The following SLC35D4 variants were observed in gnomAD, a reference collection of about 807,000 sequenced individuals.
SLC35D4 encodes solute carrier family 35 member D4.
At chr18:23,431,153 C>CAAAAAAAAAAAAAAAAAAAAAA in the SLC35D4 span, among the ~76,000 whole-genome samples, 32 of 66,214 alleles carry the variant, frequency 4.8e-4, no homozygotes, top group Non-Finnish European at 6.1e-4. Flanking sequence ...GAGTATATCT[C>CAAAAAAAAAAAAAAAAAAAAAA]AAAAAAAAAA....
the SLC35D4 span, among the ~76,000 whole-genome samples, chr18:23,400,001 T>G: frequency 6.6e-6 from 1 of 152,234 alleles, no homozygotes; most frequent in Non-Finnish European, 1.5e-5. Context: ...CACTACAGAT[T>G]ATTAAAAATT....
At chr18:23,428,058 C>G in the SLC35D4 span, among the ~76,000 whole-genome samples, 1 of 151,986 alleles carries the variant, frequency 6.6e-6, no homozygotes, top group Admixed American at 6.6e-5. Context: ...TTAGGAGATA[C>G]ACCTAATGTA....
chr18:23,375,373 G>A, the SLC35D4 span, among the ~76,000 whole-genome samples: 1 of 151,914 alleles, frequency 6.6e-6, no homozygotes, highest in African/African-American at 2.4e-5. Flanking sequence ...ATAAGAGCAA[G>A]AATAATATCT....
the SLC35D4 span, among the ~76,000 whole-genome samples, chr18:23,348,288 G>C: frequency 6.6e-6 from 1 of 152,194 alleles, no homozygotes; most frequent in Non-Finnish European, 1.5e-5. Flanking sequence ...GTGCGCTTGA[G>C]AAGAATGTGT....
the SLC35D4 span, among the ~76,000 whole-genome samples, chr18:23,304,146 G>A: frequency 6.6e-6 from 1 of 150,716 alleles, no homozygotes; most frequent in African/African-American, 2.4e-5. Context: ...GCACGGTGGC[G>A]GGCACCTGTG....
At chr18:23,359,188 C>T in the SLC35D4 span, among the ~76,000 whole-genome samples, 1 of 152,112 alleles carries the variant, frequency 6.6e-6, no homozygotes, top group African/African-American at 2.4e-5. Context: ...AGTTCAAGAC[C>T]AGCCTGGCTA....
chr18:23,379,768 G>T, the SLC35D4 span, among the ~76,000 whole-genome samples: 150 of 152,216 alleles, frequency 9.9e-4, 1 homozygote, highest in Admixed American at 6.2e-3. Context: ...AGGTCTCAGG[G>T]TTCTAAATGG....
the SLC35D4 span, among the ~76,000 whole-genome samples, chr18:23,437,526 G>C: frequency 1.3e-5 from 2 of 152,072 alleles, no homozygotes; most frequent in African/African-American, 2.4e-5. Flanking sequence ...CCAAGTTCCC[G>C]GGAAATGGCC....
the SLC35D4 span, among the ~76,000 whole-genome samples, chr18:23,423,112 G>A: frequency 5.3e-5 from 8 of 152,154 alleles, no homozygotes; most frequent in African/African-American, 1.9e-4. Context: ...TGTCTGCTAT[G>A]TGCAGCCACA....
the SLC35D4 span, among the ~76,000 whole-genome samples, chr18:23,278,375 A>G: frequency 3.2e-4 from 48 of 152,328 alleles, no homozygotes; most frequent in Non-Finnish European, 6.5e-4. Context: ...AACACAATGC[A>G]TATAAGTCAG....
chr18:23,383,810 T>C, the SLC35D4 span, among the ~76,000 whole-genome samples: 1 of 151,712 alleles, frequency 6.6e-6, no homozygotes, highest in African/African-American at 2.4e-5. Flanking sequence ...CCCAGGGAAA[T>C]AAGCCAGTGA....
At chr18:23,343,686 GAGT>G in the SLC35D4 span, among the ~76,000 whole-genome samples, 1 of 152,100 alleles carries the variant, frequency 6.6e-6, no homozygotes, top group Non-Finnish European at 1.5e-5. Flanking sequence ...AGTACCCAAC[GAGT>G]AGTTTTCCAA....
At chr18:23,293,307 C>A in the SLC35D4 span, among the ~76,000 whole-genome samples, 1 of 151,960 alleles carries the variant, frequency 6.6e-6, no homozygotes, top group Non-Finnish European at 1.5e-5. Context: ...ATCATGGGAG[C>A]CACATCTATA....
the SLC35D4 span, among the ~76,000 whole-genome samples, chr18:23,374,125 A>C: frequency 6.6e-6 from 1 of 152,216 alleles, no homozygotes; most frequent in Non-Finnish European, 1.5e-5. Flanking sequence ...CAAGTGAAAA[A>C]CTGGGGAATC....
At chr18:23,385,404 C>T in the SLC35D4 span, among the ~76,000 whole-genome samples, 2 of 152,188 alleles carry the variant, frequency 1.3e-5, no homozygotes, top group African/African-American at 2.4e-5. Context: ...GCACCCCGCC[C>T]GGCACACGCA....
chr18:23,358,557 G>A, the SLC35D4 span, among the ~76,000 whole-genome samples: 2 of 152,146 alleles, frequency 1.3e-5, no homozygotes, highest in Non-Finnish European at 2.9e-5. Flanking sequence ...TTACCTTTGA[G>A]CCATTTCTAA....
the SLC35D4 span, among the ~76,000 whole-genome samples, chr18:23,242,369 A>C: frequency 1.2e-4 from 18 of 152,318 alleles, no homozygotes; most frequent in Non-Finnish European, 2.1e-4. Context: ...ACCACAGAAC[A>C]GAGAATGTTG....
chr18:23,377,744 G>T, the SLC35D4 span: 2 of 1,326,980 alleles, frequency 1.5e-6, no homozygotes, highest in East Asian at 2.7e-5. Context: ...GAAACATTTT[G>T]ATCAAGAGGC....
At chr18:23,389,050 C>T in the SLC35D4 span, among the ~76,000 whole-genome samples, 17 of 141,700 alleles carry the variant, frequency 1.2e-4, no homozygotes, top group East Asian at 4.1e-4. Context: ...AGTGCAGTGG[C>T]GCCATCTTGG....
Sources: allele counts gnomAD v4.1 joint callset (sites outside exome capture counted in the v4.1 genomes callset), GRCh38; gene constraint gnomAD v4.1.1; transcripts MANE v1.5; gene names NCBI Gene and HGNC (gene_info 2026-07-23, HGNC 2026-07-21).